Variants in DNAJC17 observed in about 807,000 individuals in gnomAD.
DNAJC17 encodes the protein DnaJ heat shock protein family (Hsp40) member C17.
A neutral mutation model predicts 48.1 loss-of-function variants in DNAJC17; 35 were observed. The ratio of observed to expected loss-of-function variants is 0.73; its 90% confidence interval spans 0.56 to 0.96. The LOEUF (loss-of-function observed/expected upper bound fraction) is 0.96. Ranked by LOEUF, DNAJC17 falls within the 50% of genes least tolerant of loss-of-function variation. The pLI, the probability that DNAJC17 is intolerant of heterozygous loss-of-function variation, is 0.00. For synonymous variants in DNAJC17, 117 were observed against 142.7 expected, an observed-to-expected ratio of 0.82 and a Z score of 1.28; for missense variants, 355 against 377.1, an observed-to-expected ratio of 0.94 and a Z score of 0.48.
chr15:40,795,927 C>T (rs1367609610), intron 1 of DNAJC17, among the ~76,000 whole-genome samples: 1 of 152,178 alleles, frequency 6.6e-6, no homozygotes, highest in Non-Finnish European at 1.5e-5. Context: ...TGAGTGCCTG[C>T]TCTGGGCAAG....
rs142903104 is a variant in DNAJC17 at position 40,797,957 on chromosome 15, G to A, written c.78+9412C>T. Reference sequence around the variant, plus strand: ...GGCTGGTCTTGAACTCCTGACTTCAGGCAATCCACCACCCTTGGCCTCCCA... The same window carrying A: ...GGCTGGTCTTGAACTCCTGACTTCAAGCAATCCACCACCCTTGGCCTCCCA... On this transcript the variant is annotated intron_variant, in intron 1 of 10. Coordinates refer to ENST00000220496, the MANE Select transcript of DNAJC17 (RefSeq NM_018163.3). 2.3e-3 allele frequency among the ~76,000 whole-genome samples: 348 copies of A among 151,564 alleles called. 2 individuals carry two copies. The highest frequency in any genetic ancestry group is 8.3e-3 in the African/African-American group (341 of 41,310).
At position 40,769,441 on chromosome 15, in the gene DNAJC17, C is replaced by CG. The variant is rs1889056896; in HGVS notation, c.793-1380_793-1379insC. 1.3e-5 allele frequency among the ~76,000 whole-genome samples: 2 copies of CG among 152,252 alleles called. No homozygotes were observed. The highest frequency in any genetic ancestry group is 2.9e-5 in the Non-Finnish European group (2 of 68,042). On this transcript the variant is annotated intron_variant, in intron 10 of 10. Coordinates refer to ENST00000220496, the MANE Select transcript of DNAJC17 (RefSeq NM_018163.3). The surrounding 1 kb of genome is among the most constrained non-coding windows in gnomAD (Gnocchi z 4.2). Reference sequence around the variant, plus strand: ...CAGGCCAAGAGGAGGCCACATCTCCCATCCCCAGGTTAATGCTGCTCTGCC... The same window carrying CG: ...CAGGCCAAGAGGAGGCCACATCTCCCGATCCCCAGGTTAATGCTGCTCTGCC...
intron 4 of DNAJC17, among the ~76,000 whole-genome samples, chr15:40,778,182 G>A (rs897796473): frequency 1.1e-4 from 17 of 150,358 alleles, no homozygotes; most frequent in East Asian, 1.9e-4. Context: ...ACAAAACCCC[G>A]TCTTTCTTTA....
rs371241311 is a variant in DNAJC17, at chr15:40,779,953, G to A, written c.123C>T (p.Asp41=). Reference sequence around the variant, plus strand: ...CTGCTCTGGGATTATCTGGATTTTTGTCTGGGTGGCAGGAGAGGGCCTTCT... The same window carrying A: ...CTGCTCTGGGATTATCTGGATTTTTATCTGGGTGGCAGGAGAGGGCCTTCT... ...YRQKALSCHP[D]KNPDNPRAAE... is the part of the protein sequence containing the mutation. The change falls in exon 2 of 11, where the codon GAC becomes GAT. Residue 41 remains aspartate, a synonymous_variant. Coordinates refer to ENST00000220496, the MANE Select transcript of DNAJC17 (RefSeq NM_018163.3). The A allele has an allele frequency of 2.5e-6, 4 of 1,614,016 alleles. No homozygotes were observed. The highest frequency in any genetic ancestry group is 3.4e-6 in the Non-Finnish European group (4 of 1,180,034).
intron 2 of DNAJC17, 82 bp downstream of exon 2, chr15:40,779,846 C>T (rs1301085726): frequency 1.4e-6 from 2 of 1,479,072 alleles, no homozygotes; most frequent in Non-Finnish European, 9.3e-7. Flanking sequence ...CCCCACAGCA[C>T]TCACATGCAG....
chr15:40,790,192 ACT>A (rs940206059), intron 1 of DNAJC17, among the ~76,000 whole-genome samples: 1 of 152,044 alleles, frequency 6.6e-6, no homozygotes, highest in African/African-American at 2.4e-5. Flanking sequence ...GGGCTGCGAG[ACT>A]CTCTGGGGCC....
chr15:40,769,334 C>G lies in DNAJC17; in HGVS notation c.793-1272G>C, dbSNP rs1429784039. Reference sequence around the variant, plus strand: ...CAGCCAGGTAGGAGGCAACACGGCCCGGCCTTCAGCAGCCGCTCTCCTGGC... The same window carrying G: ...CAGCCAGGTAGGAGGCAACACGGCCGGGCCTTCAGCAGCCGCTCTCCTGGC... On this transcript the variant is annotated intron_variant, in intron 10 of 10. Coordinates refer to ENST00000220496, the MANE Select transcript of DNAJC17 (RefSeq NM_018163.3). The surrounding 1 kb of genome is among the most constrained non-coding windows in gnomAD (Gnocchi z 4.2). Among the ~76,000 whole-genome samples the G allele has an allele frequency of 1.3e-5, 2 of 152,300 alleles. No individual in the cohort carries two copies. Among genetic ancestry groups the G allele is most frequent in the Middle Eastern group, 3.4e-3 (1 of 294 alleles).
At chr15:40,789,062 T>C (rs1889724028) in intron 1 of DNAJC17, among the ~76,000 whole-genome samples, 1 of 152,084 alleles carries the variant, frequency 6.6e-6, no homozygotes, top group African/African-American at 2.4e-5. Context: ...CCCCCTCAGC[T>C]CAATGCTCCC....
intron 10 of DNAJC17, chr15:40,772,365 A>G (rs1889173307): frequency 6.0e-6 from 1 of 167,166 alleles, no homozygotes; most frequent in Non-Finnish European, 1.5e-5. Context: ...TCTACGACCT[A>G]AATCAGTGGC....
rs1156364170 is a variant in DNAJC17 at position 40,771,258 on chromosome 15, G to C, written c.792+2469C>G. ...GACAGAGGCAATCTGGAAATGTTGG[G>C]GGGGCGGCCCTTCCTGGCAGGACCC... On this transcript the variant is annotated intron_variant, in intron 10 of 10. Coordinates refer to ENST00000220496, the MANE Select transcript of DNAJC17 (RefSeq NM_018163.3). 1.6e-5 allele frequency: 9 copies of C among 567,068 alleles called. No homozygotes were observed. The Admixed American group carries it at 1.9e-4, about 12-fold the overall frequency. The allele number at this position is 567,068 out of a possible 1,614,324, so 35.1% of individuals were successfully genotyped here. A position where few individuals can be genotyped will look rare whatever the true frequency, so the allele number is the denominator to read the frequency against.
chr15:40,800,320 G>A (rs924912107), intron 1 of DNAJC17, among the ~76,000 whole-genome samples: 1 of 151,992 alleles, frequency 6.6e-6, no homozygotes, highest in Non-Finnish European at 1.5e-5. Context: ...CACCTGCCTC[G>A]GCCTCCCAAA....
intron 1 of DNAJC17, 26 bp from the exon 2 acceptor site, chr15:40,780,023 G>T: frequency 6.2e-7 from 1 of 1,608,282 alleles, no homozygotes; most frequent in Non-Finnish European, 8.5e-7. Flanking sequence ...AGAAGACATG[G>T]CCATTCACTC....
At chr15:40,806,829 G>GA (rs1890242987) in intron 1 of DNAJC17, among the ~76,000 whole-genome samples, 1 of 152,202 alleles carries the variant, frequency 6.6e-6, no homozygotes. Context: ...CACATGCTGA[G>GA]AAGGGCATCA....
intron 1 of DNAJC17, among the ~76,000 whole-genome samples, chr15:40,791,872 C>T (rs1025547671): frequency 6.6e-6 from 1 of 152,056 alleles, no homozygotes; most frequent in South Asian, 2.1e-4. Context: ...ACAAAACAAA[C>T]AGGCTCAGTA....
At chr15:40,768,452 G>C (rs1050989277) in intron 10 of DNAJC17, among the ~76,000 whole-genome samples, 2 of 152,168 alleles carry the variant, frequency 1.3e-5, no homozygotes, top group African/African-American at 4.8e-5. Context: ...CCAAGGAAGG[G>C]AAGTTGTCTG....
intron 1 of DNAJC17, chr15:40,807,056 G>T: frequency 1.7e-6 from 1 of 595,688 alleles, no homozygotes; most frequent in Non-Finnish European, 2.9e-6. Context: ...CGGAAACGGA[G>T]GCCGAGACTG....
In DNAJC17 at chr15:40,767,396, C is replaced by G. The variant is rs1888974715; in HGVS notation, c.*544G>C. 2 of 1,549,040 alleles carry G rather than the reference C, an allele frequency of 1.3e-6. No homozygotes were observed. The highest frequency in any genetic ancestry group is 1.7e-6 in the Non-Finnish European group (2 of 1,149,324). ...ACGGGGCACCCCTGTGGAGGGGCTG[C>G]TGTGGGCCCTGACCTCCAAGCTCCT... On this transcript the variant is annotated 3_prime_UTR_variant, in exon 11 of 11. Coordinates refer to ENST00000220496, the MANE Select transcript of DNAJC17 (RefSeq NM_018163.3).
intron 4 of DNAJC17, among the ~76,000 whole-genome samples, chr15:40,777,109 A>G (rs1381717789): frequency 1.3e-5 from 2 of 152,118 alleles, no homozygotes; most frequent in Non-Finnish European, 2.9e-5. Flanking sequence ...GGCTACAGGG[A>G]TGGGCAGAGT....
Position 40,767,322 on chromosome 15 carries a change from G to GGGGTGT in DNAJC17, c.*617_*618insACACCC. 6.2e-7 allele frequency: 1 copy of GGGGTGT among 1,602,886 alleles called. No individual in the cohort carries two copies. Among genetic ancestry groups the GGGGTGT allele is most frequent in the Non-Finnish European group, 8.5e-7 (1 of 1,175,126 alleles). On this transcript the variant is annotated 3_prime_UTR_variant, in exon 11 of 11. Coordinates refer to ENST00000220496, the MANE Select transcript of DNAJC17 (RefSeq NM_018163.3). The stretch of plus-strand genomic sequence containing the variant: ...TGAGCATGACGGGGGTGGGCCAGAC[G>GGGGTGT]CTGGTGTGGTGTCTGCACAAGGAGT...
Sources: allele counts gnomAD v4.1 joint callset (sites outside exome capture counted in the v4.1 genomes callset), GRCh38; gene constraint gnomAD v4.1.1; non-coding constraint Gnocchi (gnomAD v3.1); transcripts MANE v1.5; gene names NCBI Gene and HGNC (gene_info 2026-07-23, HGNC 2026-07-21).